Variants in SGCD observed in about 807,000 individuals in gnomAD.
The protein encoded by SGCD is delta-sarcoglycan.
A neutral mutation model predicts 36.6 loss-of-function variants in SGCD; 18 were observed. The ratio of observed to expected loss-of-function variants is 0.49; its 90% CI spans 0.34 to 0.73. The LOEUF is 0.73. Ranked by LOEUF, SGCD falls within the 30% of genes least tolerant of loss-of-function variation. The probability of loss-of-function intolerance (pLI) is 0.01; values close to 1 mark genes in which losing one functional copy is unlikely to be tolerated. For synonymous variants in SGCD, 133 were observed against 130.6 expected (o/e 1.02, Z -0.12); for missense variants, 387 against 346.7 (o/e 1.12, Z -0.92).
chr5:156,158,656 T>A lies in SGCD; in HGVS notation c.-44+34637T>A, dbSNP rs1198735145. ...GTCTTTACGGACAAGCCTTCCGGGG[T>A]ACTCAGCATGATAGAGAAGGCAAGA... On this transcript the variant is annotated intron_variant, in intron 3 of 9. Transcript: ENST00000517913. 1.1e-4 allele frequency among the ~76,000 whole-genome samples: 16 copies of A among 151,628 alleles called. No homozygotes were observed. In the Middle Eastern group the frequency reaches 0.01, roughly 97 times the overall value.
At chr5:156,582,487 A>T (rs79181131) in intron 4 of SGCD, among the ~76,000 whole-genome samples, 268 of 152,300 alleles carry the variant, frequency 1.8e-3, no homozygotes, top group African/African-American at 6.1e-3. Flanking sequence ...AATCTCTGTG[A>T]CATCTGCACT....
At chr5:155,868,367 T>C (rs988665468), upstream of SGCD, among the ~76,000 whole-genome samples, 113 of 147,974 alleles carry the variant, frequency 7.6e-4, no homozygotes, top group Middle Eastern at 6.9e-3. Flanking sequence ...TTTCTTTTTT[T>C]TTTTTTTTTT....
chr5:156,352,038 T>C (rs1769286886), intron 3 of SGCD, among the ~76,000 whole-genome samples: 1 of 152,236 alleles, frequency 6.6e-6, no homozygotes, highest in African/African-American at 2.4e-5. Flanking sequence ...TGTCATTTTA[T>C]ATTTCCCTAG....
At chr5:156,622,017 C>T (rs1435966481) in intron 6 of SGCD, among the ~76,000 whole-genome samples, 1 of 152,178 alleles carries the variant, frequency 6.6e-6, no homozygotes, top group East Asian at 1.9e-4. Context: ...GACAATCAGA[C>T]TCTGAAACCT....
At chr5:156,041,395 A>T (rs1013405836) in intron 1 of SGCD, among the ~76,000 whole-genome samples, 6 of 152,198 alleles carry the variant, frequency 3.9e-5, no homozygotes, top group African/African-American at 1.4e-4. Context: ...GAGCACAGGT[A>T]GAAATTTTTT....
chr5:156,746,473 G>A (rs1212273702), intron 7 of SGCD, among the ~76,000 whole-genome samples: 2 of 152,212 alleles, frequency 1.3e-5, no homozygotes, highest in East Asian at 3.8e-4. Context: ...TGTATAAACA[G>A]TAGTCTTGCA....
the SGCD span, among the ~76,000 whole-genome samples, chr5:155,761,576 C>T: frequency 1.4e-5 from 2 of 142,778 alleles, no homozygotes; most frequent in Non-Finnish European, 3.1e-5. Flanking sequence ...TCAACTTCTC[C>T]GTCATCCTCT....
intron 1 of SGCD, among the ~76,000 whole-genome samples, chr5:155,974,479 C>T (rs1758069788): frequency 6.6e-6 from 1 of 151,868 alleles, no homozygotes; most frequent in African/African-American, 2.4e-5. Flanking sequence ...AGGGTATTCC[C>T]ACAGGTCACA....
intron 1 of SGCD, among the ~76,000 whole-genome samples, chr5:155,948,907 A>G (rs368671611): frequency 1.5e-4 from 23 of 152,220 alleles, no homozygotes; most frequent in African/African-American, 5.3e-4. Context: ...TAATTAGTCA[A>G]TGAATAAATT....
chr5:155,977,185 A>C (rs1758132788), intron 1 of SGCD, among the ~76,000 whole-genome samples: 1 of 152,162 alleles, frequency 6.6e-6, no homozygotes, highest in Non-Finnish European at 1.5e-5. Context: ...TTGTTTGTCC[A>C]GATCTCATGC....
At chr5:156,211,348 C>CTGTA (rs1437741770) in intron 3 of SGCD, among the ~76,000 whole-genome samples, 2 of 152,118 alleles carry the variant, frequency 1.3e-5, no homozygotes, top group African/African-American at 4.8e-5. Context: ...TGGCTCAAGC[C>CTGTA]TGTAATCCCA....
intron 1 of SGCD, among the ~76,000 whole-genome samples, chr5:156,032,440 C>T (rs1417472110): frequency 1.3e-5 from 2 of 151,544 alleles, no homozygotes; most frequent in Non-Finnish European, 2.9e-5. Flanking sequence ...GTTTAATGGC[C>T]GGGCACAGTG....
intron 1 of SGCD, among the ~76,000 whole-genome samples, chr5:156,102,719 T>C (rs1581100553): frequency 6.6e-6 from 1 of 152,192 alleles, no homozygotes; most frequent in East Asian, 1.9e-4. Flanking sequence ...CCATTTGTTC[T>C]ATCTCTCTTT....
chr5:155,796,553 C>T, the SGCD span, among the ~76,000 whole-genome samples: 3 of 151,532 alleles, frequency 2.0e-5, no homozygotes, highest in Non-Finnish European at 2.9e-5. Context: ...TCTGTAATCC[C>T]AGCACTTTGG....
intron 7 of SGCD, among the ~76,000 whole-genome samples, chr5:156,695,056 T>C (rs1404877910): frequency 6.6e-6 from 1 of 152,080 alleles, no homozygotes; most frequent in Non-Finnish European, 1.5e-5. Flanking sequence ...CAGAGAAATC[T>C]TTAGGAGGAA....
chr5:155,865,147 A>G, the SGCD span, among the ~76,000 whole-genome samples: 1 of 148,208 alleles, frequency 6.7e-6, no homozygotes, highest in Non-Finnish European at 1.5e-5. Context: ...TACTGTTTTA[A>G]GAATTAAAAC....
At chr5:156,452,896 G>C (rs558120410) in intron 3 of SGCD, among the ~76,000 whole-genome samples, 1 of 152,180 alleles carries the variant, frequency 6.6e-6, no homozygotes, top group South Asian at 2.1e-4. Flanking sequence ...CTAATTAATA[G>C]GAATTTCCAT....
chr5:155,776,361 T>C, the SGCD span, among the ~76,000 whole-genome samples: 4 of 152,240 alleles, frequency 2.6e-5, no homozygotes, highest in African/African-American at 9.6e-5. Flanking sequence ...ATTTTCCTTA[T>C]CTGCAGAATA....
Position 156,732,389 on chromosome 5 carries a change from T to C in SGCD, c.576-25192T>C, listed in dbSNP as rs189683661. On this transcript the variant is annotated intron_variant, in intron 7 of 8. Transcript: ENST00000337851. The stretch of plus-strand genomic sequence containing the variant: ...TTGTTTTTGTCTTTAGTTCTGTTTA[T>C]GTGATGAATCACATTTGATTTGTAT... 2.6e-5 allele frequency among the ~76,000 whole-genome samples: 4 copies of C among 152,334 alleles called. No homozygotes were observed. The East Asian group carries it at 7.7e-4, about 29-fold the overall frequency.
Sources: allele counts gnomAD v4.1 joint callset (sites outside exome capture counted in the v4.1 genomes callset), GRCh38; gene constraint gnomAD v4.1.1; transcripts MANE v1.5; gene names NCBI Gene and HGNC (gene_info 2026-07-23, HGNC 2026-07-21).